SRGN: variants seen among roughly 807,000 people sequenced by gnomAD.
The protein encoded by SRGN is hematopoetic proteoglycan core peptide.
A neutral mutation model predicts 9.5 loss-of-function variants in SRGN; 2 were observed. That is an observed-to-expected ratio of 0.21 (90% CI 0.09 to 0.66). SRGN has a LOEUF of 0.66. SRGN is among the 30% of genes least tolerant of loss of function. The pLI is 0.83. For synonymous variants in SRGN, 59 were observed against 72.3 expected (o/e 0.82, Z 0.93); for missense variants, 170 against 192.4 (o/e 0.88, Z 0.69).
intron 1 of SRGN, among the ~76,000 whole-genome samples, chr10:69,095,475 A>G (rs776638065): frequency 1.3e-5 from 2 of 152,162 alleles, no homozygotes; most frequent in Admixed American, 6.6e-5. Flanking sequence ...GGTAATTATT[A>G]GTTGCACTCA....
chr10:69,093,375 T>A (rs1185046654), intron 1 of SRGN, among the ~76,000 whole-genome samples: 1 of 152,248 alleles, frequency 6.6e-6, no homozygotes, highest in East Asian at 1.9e-4. Context: ...TTTTTACTTT[T>A]AAAAATATGG....
At chr10:69,087,717 T>C (rs1403699317), upstream of SRGN, among the ~76,000 whole-genome samples, 3 of 152,046 alleles carry the variant, frequency 2.0e-5, no homozygotes, top group Non-Finnish European at 4.4e-5. Context: ...TTGAAAGTGC[T>C]TGGTGACGAA....
At chr10:69,096,397 T>C (rs895295660) in intron 1 of SRGN, among the ~76,000 whole-genome samples, 1 of 152,242 alleles carries the variant, frequency 6.6e-6, no homozygotes, top group African/African-American at 2.4e-5. Flanking sequence ...GTGTATTTTC[T>C]CATTTAATTT....
chr10:69,104,330 T>A lies in SRGN; in HGVS notation c.*210T>A. 2.1e-6 allele frequency: 1 copy of A among 484,180 alleles called. No homozygotes were observed. The highest frequency in any genetic ancestry group is 3.2e-6 in the Non-Finnish European group (1 of 307,898). The allele number at this position is 484,180 out of a possible 1,614,324, so 30.0% of individuals were successfully genotyped here. ...CTATTTTATTGTTCTTGAAAATACC[T>A]GCATTTTTTGGTATCATGTTCAACC... On this transcript the variant is annotated 3_prime_UTR_variant, in exon 3 of 3. Coordinates refer to ENST00000242465, the MANE Select transcript of SRGN (RefSeq NM_002727.4).
intron 2 of SRGN, among the ~76,000 whole-genome samples, chr10:69,097,811 A>G (rs562660027): frequency 1.3e-5 from 2 of 152,128 alleles, no homozygotes; most frequent in Non-Finnish European, 2.9e-5. Context: ...TGATCCACCC[A>G]CCTTGGCCTC....
intron 2 of SRGN, among the ~76,000 whole-genome samples, chr10:69,101,623 C>T (rs1840293972): frequency 6.6e-6 from 1 of 152,170 alleles, no homozygotes; most frequent in African/African-American, 2.4e-5. Flanking sequence ...ACAATAACAC[C>T]TCCTGAAAGG....
At chr10:69,098,276 A>G (rs778135637) in intron 2 of SRGN, among the ~76,000 whole-genome samples, 1 of 152,268 alleles carries the variant, frequency 6.6e-6, no homozygotes, top group Non-Finnish European at 1.5e-5. Flanking sequence ...ATGCTACAAC[A>G]TAGATAAACC....
intron 1 of SRGN, 28 bp downstream of exon 1, chr10:69,088,264 C>T (rs1272301284): frequency 6.3e-7 from 1 of 1,580,894 alleles, no homozygotes; most frequent in Non-Finnish European, 8.7e-7. Context: ...TGTTCCCCAG[C>T]CATCTTCTCT....
At chr10:69,097,670 G>A (rs181511332) in intron 2 of SRGN, among the ~76,000 whole-genome samples, 251 of 152,008 alleles carry the variant, frequency 1.7e-3, no homozygotes, top group African/African-American at 5.6e-3. Flanking sequence ...CTAGTGATCC[G>A]CCCGCCTTGA....
intron 2 of SRGN, among the ~76,000 whole-genome samples, chr10:69,103,084 C>T (rs1840324042): frequency 6.6e-6 from 1 of 151,932 alleles, no homozygotes; most frequent in Non-Finnish European, 1.5e-5. Context: ...GGATTACAGG[C>T]ATGCACCACC....
upstream of SRGN, among the ~76,000 whole-genome samples, chr10:69,087,951 T>G (rs1839971274): frequency 6.6e-6 from 1 of 152,164 alleles, no homozygotes; most frequent in Admixed American, 6.5e-5. Context: ...ATAATGGGTA[T>G]GAATAGTTAT....
chr10:69,097,152 C>T lies in SRGN; in HGVS notation c.148C>T (p.Leu50Phe). The stretch of plus-strand genomic sequence containing the variant: ...TCCAGACAGTAATTCTGCAAACTGC[C>T]TTGAAGAAAAAGGACCAATGTTCGA... ...CNPDSNSANC[L>F]EEKGPMFELL... Residue 50 changes from leucine to phenylalanine, a missense_variant, in exon 2 of 3, where the codon CTT (leucine) becomes TTT (phenylalanine). Physicochemically the swap from Leu to Phe is conservative, Grantham distance 22. Transcript: ENST00000242465. The T allele has an allele frequency of 1.2e-6, 2 of 1,614,070 alleles. No homozygotes were observed. The highest frequency in any genetic ancestry group is 1.7e-6 in the Non-Finnish European group (2 of 1,179,942).
rs1272703859 is a variant in SRGN at position 69,104,128 on chromosome 10, T to C, written c.*8T>C. On this transcript the variant is annotated 3_prime_UTR_variant, in exon 3 of 3. Transcript: ENST00000242465. ...GAGGATTTTATGTTATAAAAGAGGA[T>C]TTTCCCACCTTGACACCAGGCAATG... is the stretch of plus-strand genomic sequence containing the variant. 52 of 1,610,184 alleles carry C rather than the reference T, an allele frequency of 3.2e-5. No individual in the cohort carries two copies. The highest frequency in any genetic ancestry group is 4.0e-5 in the Non-Finnish European group (47 of 1,176,818).
chr10:69,100,562 T>C (rs546008203), intron 2 of SRGN, among the ~76,000 whole-genome samples: 1 of 152,344 alleles, frequency 6.6e-6, no homozygotes, highest in African/African-American at 2.4e-5. Context: ...TAACTGCTTC[T>C]CACCCTGACC....
In SRGN at chr10:69,104,296, T is replaced by C. The variant is rs988458730; in HGVS notation, c.*176T>C. The C allele has an allele frequency of 2.4e-6, 2 of 824,738 alleles. No homozygotes were observed. The highest frequency in any genetic ancestry group is 3.5e-5 in the African/African-American group (2 of 57,614). The allele number at this position is 824,738 out of a possible 1,614,324, so 51.1% of individuals were successfully genotyped here. The stretch of plus-strand genomic sequence containing the variant: ...GAATTCTTAAAGGATTATGCTTTAA[T>C]GCTGTTATCTATTTTATTGTTCTTG... On this transcript the variant is annotated 3_prime_UTR_variant, in exon 3 of 3. Transcript: ENST00000242465.
Position 69,103,868 on chromosome 10 carries a change from C to T in SRGN, c.228-3C>T. ...TTTTTCCCATTTTTCTTTCATACTT[C>T]AGAAAGACGAGAATCCAGGACTTGA... On this transcript the variant is annotated splice_region_variant and splice_polypyrimidine_tract_variant and intron_variant, in intron 2 of 2. Coordinates refer to ENST00000242465, the MANE Select transcript of SRGN (RefSeq NM_002727.4). 1 of 1,611,578 alleles carries T rather than the reference C, an allele frequency of 6.2e-7. No individual in the cohort carries two copies. Among genetic ancestry groups the T allele is most frequent in the Non-Finnish European group, 8.5e-7 (1 of 1,178,142 alleles).
At chr10:69,089,434 T>C (rs1453151742) in intron 1 of SRGN, among the ~76,000 whole-genome samples, 1 of 152,212 alleles carries the variant, frequency 6.6e-6, no homozygotes, top group East Asian at 1.9e-4. Context: ...ATGAGGCCCA[T>C]ACTTTAGTAC....
At chr10:69,093,843 G>A (rs143002761) in intron 1 of SRGN, among the ~76,000 whole-genome samples, 40 of 152,116 alleles carry the variant, frequency 2.6e-4, no homozygotes, top group African/African-American at 8.2e-4. Flanking sequence ...TCCAGCCTGG[G>A]CAACAGAGCC....
intron 1 of SRGN, among the ~76,000 whole-genome samples, chr10:69,094,119 T>C (rs1840125890): frequency 6.6e-6 from 1 of 152,052 alleles, no homozygotes; most frequent in Admixed American, 6.6e-5. Context: ...ATCCTACAGA[T>C]GAGAAAATTG....
Sources: gnomAD v4.1 joint callset for allele counts (sites outside exome capture counted in the v4.1 genomes callset) on GRCh38, gnomAD v4.1.1 for gene constraint, MANE v1.5 for transcripts, NCBI Gene and HGNC (gene_info 2026-07-23, HGNC 2026-07-21) for gene names.